Variants in MAP7D1 observed in about 807,000 individuals in gnomAD.
MAP7D1 encodes MAP7 domain-containing protein 1.
A neutral mutation model predicts 97.5 loss-of-function variants in MAP7D1; 30 were observed. The ratio of observed to expected loss-of-function variants is 0.31; its 90% CI spans 0.23 to 0.42. The LOEUF is 0.42. Ranked by LOEUF, MAP7D1 falls within the 10% of genes least tolerant of loss-of-function variation. The pLI is 1.00. For synonymous variants in MAP7D1, 536 were observed against 477.1 expected (o/e 1.12, Z -1.61); for missense variants, 1,184 against 1,179.5 (o/e 1.00, Z -0.06).
At chr1:36,166,580 G>A (rs1161209222) in intron 1 of MAP7D1, among the ~76,000 whole-genome samples, 4 of 151,956 alleles carry the variant, frequency 2.6e-5, no homozygotes, top group Non-Finnish European at 1.5e-5. Context: ...TAGTACAGAC[G>A]GGGTTTCACC....
At position 36,170,951 on chromosome 1, in the gene MAP7D1, C is replaced by G; in HGVS notation, c.47-20C>G. On this transcript the variant is annotated intron_variant, in intron 1 of 16. Transcript: ENST00000474796. ...AGATGAGCAATCTGACCTCTCTCCTCTCTTGTGTTGGTCTTTCAGCTGTGG... is the reference window on the plus strand; with the variant it reads ...AGATGAGCAATCTGACCTCTCTCCTGTCTTGTGTTGGTCTTTCAGCTGTGG... The G allele has an allele frequency of 9.5e-7, 1 of 1,057,520 alleles. No individual in the cohort carries two copies. The highest frequency in any genetic ancestry group is 1.9e-5 in the Admixed American group (1 of 52,814). 65.5% of individuals were successfully genotyped at this position (1,057,520 alleles called of 1,614,324 possible). A position where few individuals can be genotyped will look rare whatever the true frequency, so the allele number is the denominator to read the frequency against.
chr1:36,177,651 A>G (rs1644646696), intron 8 of MAP7D1: 3 of 773,488 alleles, frequency 3.9e-6, no homozygotes, highest in Non-Finnish European at 6.6e-6. Context: ...CTTACAGGCT[A>G]TTGGCGGGGG....
At position 36,178,612 on chromosome 1, in the gene MAP7D1, G is replaced by A; in HGVS notation, c.1886+16G>A. ...AAAGGGACAAGTGAGTGCGCCTCGG[G>A]GACTGAGGGGGCCCTCGTGGGCGCT... On this transcript the variant is annotated intron_variant, in intron 10 of 16. Transcript: ENST00000474796. 6.4e-7 allele frequency: 1 copy of A among 1,562,606 alleles called. No individual in the cohort carries two copies. The highest frequency in any genetic ancestry group is 1.4e-5 in the African/African-American group (1 of 73,964).
At chr1:36,162,848 G>C (rs188691019) in intron 1 of MAP7D1, among the ~76,000 whole-genome samples, 8 of 152,198 alleles carry the variant, frequency 5.3e-5, no homozygotes, top group Non-Finnish European at 7.4e-5. Context: ...CCACCCATCG[G>C]ACATTCATTA....
At chr1:36,156,652 C>A (rs892692340) in intron 1 of MAP7D1, among the ~76,000 whole-genome samples, 189 bp downstream of exon 1, 52 of 152,128 alleles carry the variant, frequency 3.4e-4, no homozygotes, top group Non-Finnish European at 1.5e-4. Flanking sequence ...CAGCTGCCCC[C>A]TCCCCCACCC....
chr1:36,168,296 G>GAAA (rs5773520), intron 1 of MAP7D1, among the ~76,000 whole-genome samples: 5 of 138,248 alleles, frequency 3.6e-5, no homozygotes, highest in African/African-American at 5.4e-5. Flanking sequence ...TCCATCTCAG[G>GAAA]AAAAAAAAAA....
In MAP7D1 at chr1:36,171,505, C is replaced by T; in HGVS notation, c.392-8C>T. ...TTTGACCTGTCTGTTCTTGTTCCCTCTGCTCAGAGGTGAAGAAGGCAGGAG... is the reference window on the plus strand; with the variant it reads ...TTTGACCTGTCTGTTCTTGTTCCCTTTGCTCAGAGGTGAAGAAGGCAGGAG... On this transcript the variant is annotated splice_polypyrimidine_tract_variant and splice_region_variant and intron_variant, in intron 2 of 16. Transcript: ENST00000474796. 6.2e-7 allele frequency: 1 copy of T among 1,614,160 alleles called. No homozygotes were observed. The highest frequency in any genetic ancestry group is 8.5e-7 in the Non-Finnish European group (1 of 1,180,020).
At chr1:36,169,191 G>T (rs1644509781) in intron 1 of MAP7D1, among the ~76,000 whole-genome samples, 1 of 150,636 alleles carries the variant, frequency 6.6e-6, no homozygotes, top group South Asian at 2.1e-4. Context: ...GGCAGAGGTT[G>T]CAGTGAGCCG....
rs184217267 is a variant in MAP7D1, at chr1:36,166,092, G to A, written c.47-4879G>A. 6.6e-5 allele frequency among the ~76,000 whole-genome samples: 10 copies of A among 152,222 alleles called. No individual in the cohort carries two copies. In the East Asian group the frequency reaches 1.9e-3, roughly 29 times the overall value. On this transcript the variant is annotated intron_variant, in intron 1 of 16. Coordinates refer to ENST00000474796, the MANE Select transcript of MAP7D1 (RefSeq NM_001388490.1). ...CATTTAAAAGTGACATCAAAATAAA[G>A]ACCTGAAGGAGGGGAGGGAACGAGG...
chr1:36,161,162 C>G (rs1644403827), intron 1 of MAP7D1, among the ~76,000 whole-genome samples: 1 of 152,352 alleles, frequency 6.6e-6, no homozygotes, highest in Non-Finnish European at 1.5e-5. Flanking sequence ...TTATCACCCA[C>G]AGAAGCCGGT....
At chr1:36,156,491 A>G in intron 1 of MAP7D1, 28 bp downstream of exon 1, 2 of 1,412,556 alleles carry the variant, frequency 1.4e-6, no homozygotes, top group South Asian at 1.5e-5. Context: ...CGGAGGCGAG[A>G]TGGGGGTAGA....
In MAP7D1 at chr1:36,171,162, G is replaced by C. The variant is rs1644537487; in HGVS notation, c.238G>C (p.Ala80Pro). ...CTCAGGGCAGGTCGGGCCTAGGCCA[G>C]CCCCCCCGCAGGAAGAGTCCCCTTC... ...SPSGQVGPRP[A>P]PPQEESPSSE... Residue 80 changes from alanine (A) to proline (P), a missense_variant, in exon 2 of 17, where the codon GCC becomes CCC. By Grantham distance (27) the Ala-to-Pro change is conservative. Coordinates refer to ENST00000474796, the MANE Select transcript of MAP7D1 (RefSeq NM_001388490.1). 1 of 1,613,472 alleles carries C rather than the reference G, an allele frequency of 6.2e-7. No individual in the cohort carries two copies. The highest frequency in any genetic ancestry group is 8.5e-7 in the Non-Finnish European group (1 of 1,179,708).
intron 1 of MAP7D1, among the ~76,000 whole-genome samples, chr1:36,168,194 C>A (rs902942609): frequency 6.6e-6 from 1 of 151,634 alleles, no homozygotes; most frequent in South Asian, 2.1e-4. Flanking sequence ...ACTCTGGAGG[C>A]TGAGGCAGGA....
intron 11 of MAP7D1, 33 bp from the exon 12 acceptor site, chr1:36,178,888 C>CT (rs767159485): frequency 6.5e-7 from 1 of 1,550,128 alleles, no homozygotes; most frequent in South Asian, 1.2e-5. Flanking sequence ...AGGCTGGAGT[C>CT]AAGTGCCCCA....
intron 4 of MAP7D1, among the ~76,000 whole-genome samples, chr1:36,172,872 C>T (rs1254878754): frequency 5.3e-5 from 8 of 152,238 alleles, no homozygotes; most frequent in Admixed American, 5.2e-4. Context: ...TACCTGTGTT[C>T]GTACATGTAC....
intron 5 of MAP7D1, among the ~76,000 whole-genome samples, chr1:36,174,294 G>A (rs1003449995): frequency 2.0e-5 from 3 of 152,206 alleles, no homozygotes; most frequent in Non-Finnish European, 2.9e-5. Flanking sequence ...AGGTTGCTTC[G>A]ATCTGTTTGT....
intron 3 of MAP7D1, chr1:36,172,060 G>A (rs948943589): frequency 5.6e-6 from 1 of 180,042 alleles, no homozygotes; most frequent in Non-Finnish European, 1.2e-5. Context: ...GAGGCTCAGA[G>A]AGATGAAATC....
At position 36,171,182 on chromosome 1, in the gene MAP7D1, C is replaced by T. The variant is rs1323527153; in HGVS notation, c.258C>T (p.Ser86=). The change falls in exon 2 of 17, where the codon TCC becomes TCT. Residue 86 remains serine (S), a synonymous_variant. Coordinates refer to ENST00000474796, the MANE Select transcript of MAP7D1 (RefSeq NM_001388490.1). ...GGCCAGCCCCCCCGCAGGAAGAGTCCCCTTCCTCTGAAGCAAAGAGCAGAG... is the reference window on the plus strand; with the variant it reads ...GGCCAGCCCCCCCGCAGGAAGAGTCTCCTTCCTCTGAAGCAAAGAGCAGAG... ...GPRPAPPQEE[S]PSSEAKSRGP... 6.2e-7 allele frequency: 1 copy of T among 1,613,938 alleles called. No individual in the cohort carries two copies. Among genetic ancestry groups the T allele is most frequent in the South Asian group, 1.1e-5 (1 of 91,058 alleles).
chr1:36,163,325 A>T (rs1159891674), intron 1 of MAP7D1, among the ~76,000 whole-genome samples: 1 of 152,240 alleles, frequency 6.6e-6, no homozygotes, highest in Non-Finnish European at 1.5e-5. Context: ...CTTAACAAAT[A>T]CTTCTGGTAG....
Sources: allele counts gnomAD v4.1 joint callset (sites outside exome capture counted in the v4.1 genomes callset), GRCh38; gene constraint gnomAD v4.1.1; transcripts MANE v1.5; gene names NCBI Gene and HGNC (gene_info 2026-07-23, HGNC 2026-07-21).